XKR4: variants seen among roughly 807,000 people sequenced by gnomAD.
XKR4 encodes XK-related protein 4.
In XKR4, 12 loss-of-function variants were observed where a neutral mutation model predicts 53.9. The observed-to-expected ratio is 0.22, with a 90% CI of 0.14 to 0.36. The LOEUF is 0.36. Among genes scored for constraint, XKR4 ranks in the 10% least tolerant of loss-of-function variants. The pLI, the probability that XKR4 is intolerant of heterozygous loss-of-function variation, is 1.00. For synonymous variants in XKR4, 354 were observed against 362.4 expected, an observed-to-expected ratio of 0.98 and a Z score of 0.26; for missense variants, 799 against 859.5, an observed-to-expected ratio of 0.93 and a Z score of 0.88.
intron 2 of XKR4, among the ~76,000 whole-genome samples, chr8:55,437,406 G>T (rs1805192220): frequency 6.6e-6 from 1 of 152,004 alleles, no homozygotes; most frequent in Non-Finnish European, 1.5e-5. Context: ...TTTGAATCAG[G>T]GTTAAGTAGA....
At chr8:55,476,405 T>A (rs1037986472) in intron 2 of XKR4, among the ~76,000 whole-genome samples, 2 of 152,082 alleles carry the variant, frequency 1.3e-5, no homozygotes, top group Non-Finnish European at 2.9e-5. Context: ...TCAGTGAAAT[T>A]GCATGTTAGA....
chr8:55,537,623 T>C lies in XKR4; in HGVS notation c.*13396T>C, dbSNP rs989293659. On this transcript the variant is annotated 3_prime_UTR_variant, in exon 3 of 3. Transcript: ENST00000327381. ...TTTTGAAGATTTGTAGGTAGGGTTT[T>C]GATTGTGTCACATTCTACACTCAGT... The C allele has an allele frequency of 2.0e-5, 3 of 152,228 alleles. No individual in the cohort carries two copies. The highest frequency in any genetic ancestry group is 2.9e-5 in the Non-Finnish European group (2 of 68,032). 9.4% of individuals were successfully genotyped at this position (152,228 alleles called of 1,614,324 possible).
At chr8:55,229,541 A>C (rs2129366666) in intron 1 of XKR4, among the ~76,000 whole-genome samples, 2 of 152,350 alleles carry the variant, frequency 1.3e-5, no homozygotes, top group East Asian at 3.9e-4. Flanking sequence ...TGAATAGTGC[A>C]TGGGTGGATA....
At chr8:55,516,475 A>T (rs999531769) in intron 2 of XKR4, among the ~76,000 whole-genome samples, 2 of 152,196 alleles carry the variant, frequency 1.3e-5, no homozygotes, top group East Asian at 1.9e-4. Flanking sequence ...CCTCTAAAAA[A>T]TGTTGAAATC....
chr8:55,407,524 C>A (rs1804702398), intron 2 of XKR4, among the ~76,000 whole-genome samples: 1 of 152,254 alleles, frequency 6.6e-6, no homozygotes. Context: ...GCCTGATGAA[C>A]TGAGAGGCAG....
intron 1 of XKR4, among the ~76,000 whole-genome samples, chr8:55,181,169 T>C (rs1817304869): frequency 6.6e-6 from 1 of 152,190 alleles, no homozygotes; most frequent in South Asian, 2.1e-4. Context: ...CTGATGTTGT[T>C]TTGGTACTTA....
intron 2 of XKR4, among the ~76,000 whole-genome samples, chr8:55,370,577 A>G (rs564956136): frequency 6.6e-6 from 1 of 152,334 alleles, no homozygotes; most frequent in South Asian, 2.1e-4. Flanking sequence ...CAAAAGTCTG[A>G]CCAATGAGAA....
intron 1 of XKR4, among the ~76,000 whole-genome samples, chr8:55,182,610 G>A (rs1162546808): frequency 6.6e-6 from 1 of 152,024 alleles, no homozygotes; most frequent in Non-Finnish European, 1.5e-5. Flanking sequence ...GACTATATTT[G>A]TGCACATCTA....
chr8:55,250,726 A>T (rs929811604), intron 1 of XKR4, among the ~76,000 whole-genome samples: 1 of 152,246 alleles, frequency 6.6e-6, no homozygotes. Flanking sequence ...ATGGAAAAAA[A>T]TGTACTAGCA....
chr8:55,279,175 G>C (rs139786977), intron 1 of XKR4, among the ~76,000 whole-genome samples: 1 of 152,164 alleles, frequency 6.6e-6, no homozygotes, highest in Non-Finnish European at 1.5e-5. Context: ...AGATCCCATC[G>C]CTGGTAACCA....
intron 1 of XKR4, among the ~76,000 whole-genome samples, chr8:55,216,784 A>G (rs1356309961): frequency 1.3e-5 from 2 of 151,782 alleles, no homozygotes; most frequent in Non-Finnish European, 2.9e-5. Flanking sequence ...CAGCATTAAA[A>G]TTAAGAAGTT....
chr8:55,476,834 G>A (rs541869213), intron 2 of XKR4, among the ~76,000 whole-genome samples: 15 of 152,100 alleles, frequency 9.9e-5, no homozygotes, highest in African/African-American at 2.7e-4. Flanking sequence ...AGATGGTAGC[G>A]AGGCTGGGGG....
chr8:55,339,882 C>A (rs1016529506), intron 1 of XKR4, among the ~76,000 whole-genome samples: 1 of 151,920 alleles, frequency 6.6e-6, no homozygotes, highest in Non-Finnish European at 1.5e-5. Context: ...AAAACAACAA[C>A]AAAAATGCTA....
intron 2 of XKR4, among the ~76,000 whole-genome samples, chr8:55,448,163 T>G (rs1805373282): frequency 6.6e-6 from 1 of 152,264 alleles, no homozygotes; most frequent in Non-Finnish European, 1.5e-5. Flanking sequence ...CGATTTCCTC[T>G]TCTATGCTTT....
At chr8:55,271,745 G>A (rs1818693481) in intron 1 of XKR4, among the ~76,000 whole-genome samples, 1 of 152,188 alleles carries the variant, frequency 6.6e-6, no homozygotes, top group Admixed American at 6.5e-5. Context: ...TCTTAAGTGG[G>A]AACTGTGGAC....
rs192858089 is a variant in XKR4 at position 55,180,766 on chromosome 8, C to T, written c.806+77472C>T. On this transcript the variant is annotated intron_variant, in intron 1 of 2. Coordinates refer to ENST00000327381, the MANE Select transcript of XKR4 (RefSeq NM_052898.2). The stretch of plus-strand genomic sequence containing the variant: ...CAGGCTGGCCTTGAACTCCTGACCT[C>T]GAGTGTTCCACCCGCCTTGGCCTCC... Among the ~76,000 whole-genome samples, 16 of 152,274 alleles carry T rather than the reference C, an allele frequency of 1.1e-4. No homozygotes were observed. The East Asian group carries it at 1.7e-3, about 17-fold the overall frequency.
chr8:55,143,382 C>A (rs1816731399), intron 1 of XKR4, among the ~76,000 whole-genome samples: 1 of 152,138 alleles, frequency 6.6e-6, no homozygotes, highest in African/African-American at 2.4e-5. Flanking sequence ...AAAAAATTAT[C>A]TCACATCTGA....
intron 1 of XKR4, among the ~76,000 whole-genome samples, chr8:55,284,375 C>G (rs1818878756): frequency 6.6e-6 from 1 of 152,128 alleles, no homozygotes; most frequent in African/African-American, 2.4e-5. Context: ...TTGGGTGATT[C>G]TGGCTCAGAA....
At chr8:55,385,384 A>G (rs1804293476) in intron 2 of XKR4, among the ~76,000 whole-genome samples, 2 of 152,022 alleles carry the variant, frequency 1.3e-5, no homozygotes, top group African/African-American at 4.8e-5. Context: ...CCCTTCAAGA[A>G]TTTGCACATA....
Sources: allele counts gnomAD v4.1 joint callset (sites outside exome capture counted in the v4.1 genomes callset), GRCh38; gene constraint gnomAD v4.1.1; transcripts MANE v1.5; gene names NCBI Gene and HGNC (gene_info 2026-07-23, HGNC 2026-07-21).